SCN8A: variants seen among roughly 807,000 people sequenced by gnomAD.
The protein encoded by SCN8A is sodium voltage-gated channel alpha subunit 8.
A neutral mutation model predicts 184.1 loss-of-function variants in SCN8A; 30 were observed. The ratio of observed to expected loss-of-function variants is 0.16; its 90% CI spans 0.12 to 0.22. The LOEUF (loss-of-function observed/expected upper bound fraction) is 0.22. Among genes scored for constraint, SCN8A ranks in the 10% least tolerant of loss-of-function variants. The pLI is 1.00. For synonymous variants in SCN8A, 852 were observed against 907.0 expected, an observed-to-expected ratio of 0.94 and a Z score of 1.09; for missense variants, 1,057 against 2,498.9, an observed-to-expected ratio of 0.42 and a Z score of 12.30.
intron 2 of SCN8A, among the ~76,000 whole-genome samples, chr12:51,681,575 A>G (rs1232528390): frequency 6.6e-6 from 1 of 152,148 alleles, no homozygotes; most frequent in Non-Finnish European, 1.5e-5. Context: ...AGCCCTCGAT[A>G]TGTTTCAGAT....
intron 11 of SCN8A, among the ~76,000 whole-genome samples, chr12:51,710,689 A>T (rs1336533679): frequency 1.3e-5 from 2 of 152,134 alleles, no homozygotes; most frequent in East Asian, 1.9e-4. Flanking sequence ...CAAACCAAAA[A>T]ATTAAAATTA....
At chr12:51,745,106 T>A (rs1312959434) in intron 12 of SCN8A, among the ~76,000 whole-genome samples, 1 of 152,186 alleles carries the variant, frequency 6.6e-6, no homozygotes, top group African/African-American at 2.4e-5. Context: ...GTCAGGGACA[T>A]GAAGAAACCC....
At chr12:51,782,947 G>T (rs1332865951) in intron 21 of SCN8A, among the ~76,000 whole-genome samples, 1 of 152,176 alleles carries the variant, frequency 6.6e-6, no homozygotes, top group Non-Finnish European at 1.5e-5. Context: ...AAAGCATTAC[G>T]ATGTTTTATT....
chr12:51,754,145 A>C (rs1942637321), intron 14 of SCN8A, among the ~76,000 whole-genome samples: 1 of 152,164 alleles, frequency 6.6e-6, no homozygotes, highest in East Asian at 1.9e-4. Flanking sequence ...TTATAGAGGA[A>C]ATTGAAGCCC....
At chr12:51,773,695 A>G (rs754820188) in intron 19 of SCN8A, among the ~76,000 whole-genome samples, 1 of 152,240 alleles carries the variant, frequency 6.6e-6, no homozygotes, top group African/African-American at 2.4e-5. Flanking sequence ...CTAAAAACCC[A>G]TACACAGATG....
chr12:51,806,194 TA>T lies in SCN8A; in HGVS notation c.4796-86del. On this transcript the variant is annotated intron_variant, in intron 26 of 26. Coordinates refer to ENST00000627620, the MANE Select transcript of SCN8A (RefSeq NM_001330260.2). The surrounding 1 kb of genome is among the most constrained non-coding windows in gnomAD (Gnocchi z 8.7). Reference sequence around the variant, plus strand: ...CTTATTCTGCAAAGCCCTTTGAACCTAAGGGTTCCACAATGCCAGGTAAAAA... The same window carrying T: ...CTTATTCTGCAAAGCCCTTTGAACCTAGGGTTCCACAATGCCAGGTAAAAA... 1 of 1,271,308 alleles carries T rather than the reference TA, an allele frequency of 7.9e-7. No homozygotes were observed. Among genetic ancestry groups the T allele is most frequent in the Non-Finnish European group, 1.1e-6 (1 of 927,088 alleles). 78.8% of individuals were successfully genotyped at this position (1,271,308 alleles called of 1,614,324 possible). A position where few individuals can be genotyped will look rare whatever the true frequency, so the allele number is the denominator to read the frequency against.
chr12:51,652,449 A>G (rs1490182861), intron 1 of SCN8A, among the ~76,000 whole-genome samples: 1 of 152,134 alleles, frequency 6.6e-6, no homozygotes, highest in Non-Finnish European at 1.5e-5. Flanking sequence ...ACTTTGATCA[A>G]ATCATTTTCT....
intron 1 of SCN8A, among the ~76,000 whole-genome samples, chr12:51,601,188 G>A (rs562412418): frequency 6.6e-6 from 1 of 152,322 alleles, no homozygotes; most frequent in South Asian, 2.1e-4. Flanking sequence ...CCACTTAACT[G>A]AATGATGGCA....
At chr12:51,697,322 C>T (rs1158396026) in intron 6 of SCN8A, among the ~76,000 whole-genome samples, 2 of 152,106 alleles carry the variant, frequency 1.3e-5, no homozygotes, top group African/African-American at 2.4e-5. Flanking sequence ...TTTAATTCCT[C>T]TTAGATCCCT....
chr12:51,604,732 C>T (rs1939547202), intron 1 of SCN8A, among the ~76,000 whole-genome samples: 1 of 152,098 alleles, frequency 6.6e-6, no homozygotes, highest in Non-Finnish European at 1.5e-5. Flanking sequence ...TGGGGTTTCT[C>T]CATGTTGGTC....
At chr12:51,679,529 G>T (rs1941288605) in intron 2 of SCN8A, among the ~76,000 whole-genome samples, 1 of 152,138 alleles carries the variant, frequency 6.6e-6, no homozygotes, top group Non-Finnish European at 1.5e-5. Flanking sequence ...ACAGTTACAG[G>T]GGTAAGTTGT....
At chr12:51,635,369 A>C (rs1223910288) in intron 1 of SCN8A, among the ~76,000 whole-genome samples, 1 of 152,224 alleles carries the variant, frequency 6.6e-6, no homozygotes, top group African/African-American at 2.4e-5. Context: ...GCTGGAGTTT[A>C]AGCTCCACAA....
intron 12 of SCN8A, among the ~76,000 whole-genome samples, chr12:51,735,853 T>C (rs908386781): frequency 1.3e-5 from 2 of 152,174 alleles, no homozygotes; most frequent in African/African-American, 2.4e-5. Flanking sequence ...CCTGGAGAAA[T>C]ACAAGCATAA....
rs188144404 is a variant in SCN8A at position 51,736,080 on chromosome 12, T to A, written c.1999-9823T>A. Among the ~76,000 whole-genome samples the A allele has an allele frequency of 1.6e-4, 25 of 152,356 alleles. No individual in the cohort carries two copies. The East Asian group carries it at 4.6e-3, about 28-fold the overall frequency. On this transcript the variant is annotated intron_variant, in intron 12 of 26. Transcript: ENST00000627620. ...GGGTTCAGTATTCTCTGTCTCTCCCTTTCTGCTTTTGCAACTGCTGTTTTA... is the reference window on the plus strand; with the variant it reads ...GGGTTCAGTATTCTCTGTCTCTCCCATTCTGCTTTTGCAACTGCTGTTTTA...
At chr12:51,679,594 T>G (rs1941290192) in intron 2 of SCN8A, among the ~76,000 whole-genome samples, 1 of 152,294 alleles carries the variant, frequency 6.6e-6, no homozygotes, top group Admixed American at 6.5e-5. Context: ...CCTGCGCCCT[T>G]TCAGAAAAAG....
intron 13 of SCN8A, among the ~76,000 whole-genome samples, chr12:51,746,256 A>C (rs1388550152): frequency 6.6e-6 from 1 of 152,198 alleles, no homozygotes; most frequent in Non-Finnish European, 1.5e-5. Flanking sequence ...AGCATTGTAC[A>C]CAGGTACGTA....
At chr12:51,648,895 A>G (rs1352923330) in intron 1 of SCN8A, among the ~76,000 whole-genome samples, 1 of 152,190 alleles carries the variant, frequency 6.6e-6, no homozygotes, top group Non-Finnish European at 1.5e-5. Context: ...TCATTTCAGC[A>G]TTAACCCAGA....
Position 51,806,335 on chromosome 12 carries a change from C to T in SCN8A, c.4849C>T (p.Arg1617Ter), listed in dbSNP as rs770166890. 1 of 1,557,640 alleles carries T rather than the reference C, an allele frequency of 6.4e-7. No individual in the cohort carries two copies. Among genetic ancestry groups the T allele is most frequent in the Non-Finnish European group, 8.7e-7 (1 of 1,150,526 alleles). Residue 1617 changes from arginine (R) to a stop codon, truncating the protein, a stop_gained, in exon 27 of 27, where the codon CGA becomes TGA. Transcript: ENST00000627620. LOFTEE classifies it high-confidence loss of function. The surrounding 1 kb of genome is among the most constrained non-coding windows in gnomAD (Gnocchi z 8.7). The part of the protein sequence containing the change: ...EKYFVSPTLF[R>*]VIRLARIGRI... ...ATACTTTGTTTCCCCAACCCTATTC[C>T]GAGTCATCCGATTGGCCCGTATTGG...
intron 1 of SCN8A, among the ~76,000 whole-genome samples, chr12:51,593,364 T>A (rs1467130450): frequency 6.6e-6 from 1 of 152,250 alleles, no homozygotes; most frequent in Non-Finnish European, 1.5e-5. Context: ...CAGTTCATAA[T>A]GGTGCAGATC....
Sources: gnomAD v4.1 joint callset for allele counts (sites outside exome capture counted in the v4.1 genomes callset) on GRCh38, gnomAD v4.1.1 for gene constraint, Gnocchi (gnomAD v3.1) non-coding constraint, MANE v1.5 for transcripts, NCBI Gene and HGNC (gene_info 2026-07-23, HGNC 2026-07-21) for gene names.